SMARCA2: variants seen among roughly 807,000 people sequenced by gnomAD.
The protein encoded by SMARCA2 is SWI/SNF related BAF chromatin remodeling complex subunit ATPase 2, also known as SWI/SNF-related matrix-associated actin-dependent regulator of chromatin subfamily A member 2.
A neutral mutation model predicts 199.8 loss-of-function variants in SMARCA2; 61 were observed. The observed-to-expected ratio is 0.31, with a 90% confidence interval of 0.25 to 0.38. SMARCA2 has a LOEUF of 0.38. Ranked by LOEUF, SMARCA2 falls within the 10% of genes least tolerant of loss-of-function variation. The pLI, the probability that SMARCA2 is intolerant of heterozygous loss-of-function variation, is 1.00. For synonymous variants in SMARCA2, 935 were observed against 732.0 expected (o/e 1.28, Z -4.48); for missense variants, 1,344 against 2,012.2 (o/e 0.67, Z 6.35).
At chr9:2,023,787 T>C (rs536737959) in intron 1 of SMARCA2, among the ~76,000 whole-genome samples, 20 of 152,228 alleles carry the variant, frequency 1.3e-4, no homozygotes, top group Non-Finnish European at 2.1e-4. Context: ...TTGCTACTTC[T>C]TGTGGGTGAA....
intron 17 of SMARCA2, chr9:2,085,828 G>T (rs942188282): frequency 6.6e-6 from 1 of 152,244 alleles, no homozygotes; most frequent in African/African-American, 2.4e-5. Flanking sequence ...CTGAGCACCA[G>T]ATGTTTTTCT....
At chr9:2,112,686 G>C (rs546720932) in intron 24 of SMARCA2, among the ~76,000 whole-genome samples, 13 of 152,276 alleles carry the variant, frequency 8.5e-5, no homozygotes, top group Non-Finnish European at 1.8e-4. Context: ...AGCTGCCATA[G>C]GTAGATTCAC....
chr9:2,058,675 A>G (rs1039610582), intron 8 of SMARCA2, among the ~76,000 whole-genome samples: 1 of 152,188 alleles, frequency 6.6e-6, no homozygotes, highest in African/African-American at 2.4e-5. Flanking sequence ...ACTGATGCGT[A>G]TAGTATTTCT....
intron 12 of SMARCA2, chr9:2,075,054 C>T (rs1247160762): frequency 1.3e-5 from 2 of 152,460 alleles, no homozygotes; most frequent in Non-Finnish European, 1.5e-5. Context: ...AAGTAGGCCG[C>T]CTAGCCAGCA....
intron 24 of SMARCA2, among the ~76,000 whole-genome samples, chr9:2,113,672 C>T (rs1823100618): frequency 6.6e-6 from 1 of 152,218 alleles, no homozygotes; most frequent in Admixed American, 6.5e-5. Flanking sequence ...ACTGCTACCA[C>T]CACCAAACGA....
rs145006268 is a variant in SMARCA2 at position 2,174,869 on chromosome 9, G to C, written c.4253+4397G>C. Among the ~76,000 whole-genome samples, 13 of 144,348 alleles carry C rather than the reference G, an allele frequency of 9.0e-5. No homozygotes were observed. The South Asian group carries it at 1.5e-3, about 17-fold the overall frequency. 94.7% of individuals were successfully genotyped at this position (144,348 alleles called of 152,430 possible). A position where few individuals can be genotyped will look rare whatever the true frequency, so the allele number is the denominator to read the frequency against. On this transcript the variant is annotated intron_variant, in intron 29 of 33. Coordinates refer to ENST00000349721, the MANE Select transcript of SMARCA2 (RefSeq NM_003070.5). ...TGGGAGGTCGAGGCTACAGTGCAGT[G>C]AGCCCTGATCGTGCTACTGCAGTCC...
intron 5 of SMARCA2, among the ~76,000 whole-genome samples, chr9:2,050,436 A>G (rs1337510029): frequency 1.3e-5 from 2 of 152,104 alleles, no homozygotes; most frequent in East Asian, 3.9e-4. Flanking sequence ...CTCAGGAATC[A>G]TCACATTGGC....
At position 2,134,725 on chromosome 9, in the gene SMARCA2, A is replaced by G. The variant is rs114393075; in HGVS notation, c.3981+10788A>G. On this transcript the variant is annotated intron_variant, in intron 27 of 33. Coordinates refer to ENST00000349721, the MANE Select transcript of SMARCA2 (RefSeq NM_003070.5). ...TTGAAATCCTAACCCCCAATGTGAT[A>G]TTAGGAGGTGGGCCCTTTGGAAGGT... Among the ~76,000 whole-genome samples the G allele has an allele frequency of 5.9e-3, 903 of 152,246 alleles. 10 individuals carry two copies. Among genetic ancestry groups the G allele is most frequent in the African/African-American group, 0.021 (853 of 41,550 alleles).
chr9:2,105,332 G>C (rs1563771660), intron 23 of SMARCA2, among the ~76,000 whole-genome samples: 1 of 151,800 alleles, frequency 6.6e-6, no homozygotes, highest in Non-Finnish European at 1.5e-5. Flanking sequence ...TGCAACTTCT[G>C]CCACCCGGGT....
rs1045605787 is a variant in SMARCA2 at position 2,070,268 on chromosome 9, G to A, written c.1693-150G>A. 2.2e-5 allele frequency: 16 copies of A among 715,242 alleles called. No individual in the cohort carries two copies. The East Asian group carries it at 3.6e-4, about 16-fold the overall frequency. 44.3% of individuals were successfully genotyped at this position (715,242 alleles called of 1,614,324 possible). On this transcript the variant is annotated intron_variant, in intron 9 of 33. Coordinates refer to ENST00000349721, the MANE Select transcript of SMARCA2 (RefSeq NM_003070.5). ...AAAATACATGTTTTGTCTCAGCAAAGACAAATGAACATAAAAGGCATTAAC... is the reference window on the plus strand; with the variant it reads ...AAAATACATGTTTTGTCTCAGCAAAAACAAATGAACATAAAAGGCATTAAC...
At chr9:2,121,350 T>C (rs1028431533) in intron 26 of SMARCA2, among the ~76,000 whole-genome samples, 1 of 152,252 alleles carries the variant, frequency 6.6e-6, no homozygotes, top group East Asian at 1.9e-4. Context: ...GTAGGCACTT[T>C]GATTTTGTGA....
intron 10 of SMARCA2, 151 bp from the exon 11 acceptor site, chr9:2,073,061 A>T: frequency 3.6e-6 from 3 of 823,960 alleles, no homozygotes; most frequent in Non-Finnish European, 5.5e-6. Context: ...GTAGCCTCTC[A>T]CCTCCCACCA....
intron 30 of SMARCA2, 42 bp from the exon 31 acceptor site, chr9:2,182,099 T>C (rs757381539): frequency 1.6e-6 from 2 of 1,253,430 alleles, no homozygotes; most frequent in Non-Finnish European, 2.3e-6. Flanking sequence ...TGAATTTTCC[T>C]CTCCCTCTTT....
At chr9:2,102,522 T>G (rs1033702813) in intron 22 of SMARCA2, among the ~76,000 whole-genome samples, 1 of 152,210 alleles carries the variant, frequency 6.6e-6, no homozygotes, top group African/African-American at 2.4e-5. Flanking sequence ...TACTATAGAT[T>G]ACATGTGCAC....
At chr9:2,088,104 A>G (rs1304069494) in intron 18 of SMARCA2, among the ~76,000 whole-genome samples, 2 of 152,226 alleles carry the variant, frequency 1.3e-5, no homozygotes, top group Non-Finnish European at 2.9e-5. Flanking sequence ...AACCAAGACG[A>G]AGGGCCTAAC....
intron 32 of SMARCA2, among the ~76,000 whole-genome samples, chr9:2,190,629 TCA>T (rs58109690): frequency 0.12 from 17,872 of 151,498 alleles, 1,843 homozygotes; most frequent in African/African-American, 0.26. Context: ...ATATGTAGAA[TCA>T]CACACACACA....
At chr9:2,070,317 TG>T in intron 9 of SMARCA2, 100 bp from the exon 10 acceptor site, 1 of 899,406 alleles carries the variant, frequency 1.1e-6, no homozygotes, top group South Asian at 1.4e-5. Context: ...TAGATAATAA[TG>T]GGGTAACAAT....
At chr9:2,187,609 C>T (rs1488965891) in intron 32 of SMARCA2, among the ~76,000 whole-genome samples, 1 of 151,904 alleles carries the variant, frequency 6.6e-6, no homozygotes, top group South Asian at 2.1e-4. Flanking sequence ...TCTAGGTGTT[C>T]AAGGCTGCAG....
chr9:2,056,865 T>C lies in SMARCA2; in HGVS notation c.1347+20T>C, dbSNP rs755785091. 2.1e-5 allele frequency: 34 copies of C among 1,607,568 alleles called. No homozygotes were observed. In the South Asian group the frequency reaches 3.5e-4, roughly 17 times the overall value. The stretch of plus-strand genomic sequence containing the variant: ...CACCAGGTTCTTAGACCCTGGGCTT[T>C]GCTCACCCTCACTTTGGCAGAGCTG... On this transcript the variant is annotated intron_variant, in intron 7 of 33. Transcript: ENST00000349721. The surrounding 1 kb of genome is among the most constrained non-coding windows in gnomAD (Gnocchi z 4.0).
Sources: gnomAD v4.1 joint callset for allele counts (sites outside exome capture counted in the v4.1 genomes callset) on GRCh38, gnomAD v4.1.1 for gene constraint, Gnocchi (gnomAD v3.1) non-coding constraint, MANE v1.5 for transcripts, NCBI Gene and HGNC (gene_info 2026-07-23, HGNC 2026-07-21) for gene names.